The following NLRP5 variants were observed in gnomAD, a reference collection of about 807,000 sequenced individuals.
NLRP5 encodes NLR family pyrin domain containing 5.
NLRP5 carries 93 observed loss-of-function variants against 113.1 expected under a neutral mutation model. That is an observed-to-expected ratio of 0.82 (90% CI 0.70 to 0.98). NLRP5 has a LOEUF of 0.98. Ranked by LOEUF, NLRP5 falls within the 50% of genes least tolerant of loss-of-function variation. The pLI is 0.00. For synonymous variants in NLRP5, 751 were observed against 600.7 expected (o/e 1.25, Z -3.66); for missense variants, 1,808 against 1,514.3 (o/e 1.19, Z -3.22).
intron 2 of NLRP5, among the ~76,000 whole-genome samples, chr19:56,007,905 G>A (rs1981998494): frequency 5.7e-4 from 1 of 1,746 alleles, no homozygotes; most frequent in African/African-American, 1.1e-3. Context: ...GCGCGCGTGC[G>A]TGTGTGTGTG....
At chr19:56,005,574 TACACACAC>T (rs1244783525) in intron 2 of NLRP5, among the ~76,000 whole-genome samples, 1 of 129,712 alleles carries the variant, frequency 7.7e-6, no homozygotes, top group Non-Finnish European at 1.6e-5. Context: ...TATATATTTA[TACACACAC>T]GCACACACGC....
At position 56,055,533 on chromosome 19, in the gene NLRP5, C is replaced by CT. The variant is rs1491011983; in HGVS notation, c.3299+1726dup. Among the ~76,000 whole-genome samples the CT allele has an allele frequency of 6.5e-4, 65 of 99,544 alleles. 3 individuals are homozygous for CT. The highest frequency in any genetic ancestry group is 8.2e-4 in the African/African-American group (24 of 29,182). 65.3% of individuals were successfully genotyped at this position (99,544 alleles called of 152,430 possible). On this transcript the variant is annotated intron_variant, in intron 13 of 14. Transcript: ENST00000390649. Reference sequence around the variant, plus strand: ...AGCTCCATGTTCTATTTTTCTTTCTCTGTCTTTTTTTTTTTTTTTTTTTTT... The same window carrying CT: ...AGCTCCATGTTCTATTTTTCTTTCTCTTGTCTTTTTTTTTTTTTTTTTTTTT...
chr19:55,989,845 A>C, the NLRP5 span, among the ~76,000 whole-genome samples: 2 of 152,066 alleles, frequency 1.3e-5, no homozygotes, highest in African/African-American at 4.8e-5. Flanking sequence ...ATTGCATTTA[A>C]AACGGATAAA....
intron 13 of NLRP5, among the ~76,000 whole-genome samples, chr19:56,055,527 C>T (rs1230539548): frequency 2.2e-5 from 2 of 89,600 alleles, no homozygotes; most frequent in African/African-American, 3.6e-5. Flanking sequence ...TTCTATTTTT[C>T]TTTCTCTGTC....
chr19:55,999,903 G>C, intron 1 of NLRP5: 1 of 777,592 alleles, frequency 1.3e-6, no homozygotes, highest in Non-Finnish European at 2.3e-6. Context: ...TTAGCAATCC[G>C]TTGCAGCAGA....
At chr19:55,991,340 C>A in the NLRP5 span, among the ~76,000 whole-genome samples, 24 of 151,928 alleles carry the variant, frequency 1.6e-4, no homozygotes, top group African/African-American at 5.3e-4. Context: ...GAATATCATT[C>A]TTCTTAGAAT....
chr19:56,030,157 G>C (rs181124256), intron 7 of NLRP5, among the ~76,000 whole-genome samples: 1 of 151,644 alleles, frequency 6.6e-6, no homozygotes, highest in Non-Finnish European at 1.5e-5. Flanking sequence ...ATCACACTAG[G>C]TCAGGAGTTC....
At chr19:55,994,889 T>G (rs1263483838), upstream of NLRP5, among the ~76,000 whole-genome samples, 6 of 152,208 alleles carry the variant, frequency 3.9e-5, no homozygotes, top group African/African-American at 1.2e-4. Context: ...TCAAGTCTTA[T>G]GTTTAAGTAC....
At chr19:55,994,305 G>C in the NLRP5 span, among the ~76,000 whole-genome samples, 1 of 152,158 alleles carries the variant, frequency 6.6e-6, no homozygotes, top group African/African-American at 2.4e-5. Flanking sequence ...GGATTACTTG[G>C]AGTTTTGCTA....
intron 11 of NLRP5, among the ~76,000 whole-genome samples, chr19:56,044,941 C>T (rs1397019945): frequency 1.3e-5 from 2 of 152,124 alleles, no homozygotes; most frequent in Non-Finnish European, 2.9e-5. Context: ...TAGGTATATT[C>T]CCAAGTTGTG....
intron 6 of NLRP5, among the ~76,000 whole-genome samples, chr19:56,021,853 T>G (rs984874165): frequency 6.6e-6 from 1 of 152,092 alleles, no homozygotes; most frequent in Non-Finnish European, 1.5e-5. Flanking sequence ...CTAACTGGAA[T>G]TGGTGATTGG....
chr19:56,058,279 A>T lies in NLRP5; in HGVS notation c.3339A>T (p.Ala1113=). ...GACTGACTTCTGATTGCTGTGAGGCACTCTCCTTGGCCCTTTCCTGCAACC... is the reference window on the plus strand; with the variant it reads ...GACTGACTTCTGATTGCTGTGAGGCTCTCTCCTTGGCCCTTTCCTGCAACC... The change falls in exon 14 of 15, where the codon GCA becomes GCT. Residue 1113 remains alanine (A), a synonymous_variant. Transcript: ENST00000390649. 6.2e-7 allele frequency: 1 copy of T among 1,613,736 alleles called. No individual in the cohort carries two copies. The highest frequency in any genetic ancestry group is 8.5e-7 in the Non-Finnish European group (1 of 1,179,814).
At chr19:56,022,785 C>T (rs1187453841) in intron 6 of NLRP5, among the ~76,000 whole-genome samples, 2 of 152,092 alleles carry the variant, frequency 1.3e-5, no homozygotes, top group African/African-American at 2.4e-5. Context: ...AGTGCAATGG[C>T]GCGATCTCAG....
chr19:56,047,893 T>A (rs1983786563), intron 11 of NLRP5, among the ~76,000 whole-genome samples: 2 of 152,200 alleles, frequency 1.3e-5, no homozygotes, highest in South Asian at 4.1e-4. Context: ...GTTTTATGAA[T>A]TTAGGACCTC....
At position 56,061,666 on chromosome 19, in the gene NLRP5, T is replaced by A; in HGVS notation, c.*138T>A. The A allele has an allele frequency of 1.0e-6, 1 of 963,822 alleles. No individual in the cohort carries two copies. The highest frequency in any genetic ancestry group is 1.6e-6 in the Non-Finnish European group (1 of 628,430). The allele number at this position is 963,822 out of a possible 1,614,324, so 59.7% of individuals were successfully genotyped here. A position where few individuals can be genotyped will look rare whatever the true frequency, so the allele number is the denominator to read the frequency against. ...CTGATTCTCACAAAGCCCTCAATGGTAGTGATTCTTCTGTGTTCACTCTAC... is the reference window on the plus strand; with the variant it reads ...CTGATTCTCACAAAGCCCTCAATGGAAGTGATTCTTCTGTGTTCACTCTAC... On this transcript the variant is annotated 3_prime_UTR_variant, in exon 15 of 15. Transcript: ENST00000390649.
At chr19:55,988,729 G>A in the NLRP5 span, 3 of 151,710 alleles carry the variant, frequency 2.0e-5, no homozygotes, top group Non-Finnish European at 2.9e-5. Flanking sequence ...TGTGTAGAGC[G>A]GTAAGGGAAA....
chr19:56,027,251 T>C lies in NLRP5; in HGVS notation c.1018T>C (p.Trp340Arg), dbSNP rs758294825. The change falls in exon 7 of 15, where the codon TGG becomes CGG. Residue 340 changes from tryptophan to arginine, a missense_variant. By Grantham distance (101) the Trp-to-Arg change is moderately radical. Transcript: ENST00000390649. ...TGTCACAGAGTTCATCTCCAGGGAG[T>C]GGCCAGACTCCCAGGCTCCGGTGAC... 1.9e-6 allele frequency: 3 copies of C among 1,612,444 alleles called. No homozygotes were observed. Among genetic ancestry groups the C allele is most frequent in the East Asian group, 2.2e-5 (1 of 44,852 alleles).
rs530820320 is a variant in NLRP5 at position 56,015,369 on chromosome 19, A to C, written c.509-373A>C. ...GCCACCATGCCTGGCTAATTTTTTG[A>C]ATTTTTAGTAGAGACGGGGTTTCAC... On this transcript the variant is annotated intron_variant, in intron 3 of 14. Transcript: ENST00000390649. Among the ~76,000 whole-genome samples the C allele has an allele frequency of 5.3e-5, 8 of 151,898 alleles. No homozygotes were observed. The South Asian group carries it at 1.7e-3, about 32-fold the overall frequency.
chr19:56,030,616 T>G, intron 7 of NLRP5, among the ~76,000 whole-genome samples: 1 of 151,850 alleles, frequency 6.6e-6, no homozygotes, highest in East Asian at 1.9e-4. Flanking sequence ...AGCCACAGGC[T>G]AAGCACTGAG....
Sources: allele counts gnomAD v4.1 joint callset (sites outside exome capture counted in the v4.1 genomes callset), GRCh38; gene constraint gnomAD v4.1.1; transcripts MANE v1.5; gene names NCBI Gene and HGNC (gene_info 2026-07-23, HGNC 2026-07-21).